Variants in NLRP14 observed in about 807,000 individuals in gnomAD.
NLRP14 encodes the protein NACHT, LRR and PYD domains-containing protein 14.
A neutral mutation model predicts 94.7 loss-of-function variants in NLRP14; 105 were observed. The ratio of observed to expected loss-of-function variants is 1.11; its 90% confidence interval spans 0.95 to 1.30. The LOEUF (loss-of-function observed/expected upper bound fraction) is 1.30, where lower values mean the gene tolerates loss of function less well. Ranked by LOEUF, NLRP14 falls within the 50% of genes most tolerant of loss-of-function variation. The pLI is 0.00. For missense variants in NLRP14, 1,362 were observed against 1,254.1 expected (o/e 1.09, Z -1.30); for synonymous variants, 508 against 459.9 (o/e 1.10, Z -1.34).
intron 10 of NLRP14, among the ~76,000 whole-genome samples, chr11:7,070,040 C>T (rs1852767761): frequency 6.6e-6 from 1 of 152,118 alleles, no homozygotes; most frequent in South Asian, 2.1e-4. Context: ...AACGTGCTTG[C>T]ATATTTTATT....
At chr11:7,078,307 G>A in the NLRP14 span, among the ~76,000 whole-genome samples, 8 of 151,170 alleles carry the variant, frequency 5.3e-5, no homozygotes, top group East Asian at 3.9e-4. Flanking sequence ...GCATGATGGC[G>A]GGCACCTGTA....
At chr11:7,090,662 A>C in the NLRP14 span, 1 of 332,606 alleles carries the variant, frequency 3.0e-6, no homozygotes, top group Non-Finnish European at 6.0e-6. Flanking sequence ...CTCACCTAAA[A>C]TGGAAAAACG....
At chr11:7,064,580 C>G (rs1465096884) in intron 10 of NLRP14, among the ~76,000 whole-genome samples, 3 of 152,146 alleles carry the variant, frequency 2.0e-5, no homozygotes, top group African/African-American at 7.2e-5. Context: ...GCTAGAACTT[C>G]ACCTATTCTC....
intron 6 of NLRP14, among the ~76,000 whole-genome samples, chr11:7,053,072 G>GA (rs1397223770): frequency 2.0e-5 from 3 of 152,074 alleles, no homozygotes; most frequent in African/African-American, 7.2e-5. Context: ...TTTTTGAACA[G>GA]AAATAATATT....
chr11:7,049,975 C>T (rs1802519939), intron 6 of NLRP14, 137 bp downstream of exon 6: 1 of 766,104 alleles, frequency 1.3e-6, no homozygotes, highest in East Asian at 2.5e-5. Context: ...TAGCAAGCAT[C>T]TGTAGAATCA....
chr11:7,035,557 A>G lies in NLRP14; in HGVS notation c.-21-3009A>G, dbSNP rs531024284. Among the ~76,000 whole-genome samples, 7 of 152,314 alleles carry G rather than the reference A, an allele frequency of 4.6e-5. 1 individual carries two copies. In the South Asian group the frequency reaches 1.4e-3, roughly 32 times the overall value. On this transcript the variant is annotated intron_variant, in intron 1 of 11. Transcript: ENST00000299481. Reference sequence around the variant, plus strand: ...TCCCCCAAGGAAATATCCAGCCTAAAATGTCAGTACTACTGAGGCTGGGAA... The same window carrying G: ...TCCCCCAAGGAAATATCCAGCCTAAGATGTCAGTACTACTGAGGCTGGGAA...
At chr11:7,078,617 C>A in the NLRP14 span, among the ~76,000 whole-genome samples, 1 of 151,352 alleles carries the variant, frequency 6.6e-6, no homozygotes, top group Non-Finnish European at 1.5e-5. Context: ...TGGTGAAACC[C>A]CGTCTCTACT....
chr11:7,089,987 G>GCGC, the NLRP14 span: 8 of 1,613,150 alleles, frequency 5.0e-6, no homozygotes, highest in Non-Finnish European at 4.2e-6. Flanking sequence ...ACGGAGAGCT[G>GCGC]CGCGGCGCCG....
In NLRP14 at chr11:7,049,396, T is replaced by A. The variant is rs568522732; in HGVS notation, c.2124-275T>A. Among the ~76,000 whole-genome samples the A allele has an allele frequency of 2.6e-5, 4 of 152,272 alleles. No individual in the cohort carries two copies. The East Asian group carries it at 7.7e-4, about 29-fold the overall frequency. On this transcript the variant is annotated intron_variant, in intron 5 of 11. Transcript: ENST00000299481. ...GTAGTACTTGGAATGGCCCTGATAATTTTTGATAGTCATTCCTGGGATTAC... is the reference window on the plus strand; with the variant it reads ...GTAGTACTTGGAATGGCCCTGATAAATTTTGATAGTCATTCCTGGGATTAC...
chr11:7,066,588 T>C (rs1852710402), intron 10 of NLRP14, among the ~76,000 whole-genome samples: 1 of 151,720 alleles, frequency 6.6e-6, no homozygotes, highest in African/African-American at 2.4e-5. Context: ...TAAATTCAGA[T>C]TCTGAATATT....
At chr11:7,037,815 A>G (rs1263707325) in intron 1 of NLRP14, among the ~76,000 whole-genome samples, 1 of 152,198 alleles carries the variant, frequency 6.6e-6, no homozygotes, top group Non-Finnish European at 1.5e-5. Context: ...GCCTGGGGTG[A>G]GAGCATTAGA....
At chr11:7,085,527 G>A in the NLRP14 span, among the ~76,000 whole-genome samples, 1 of 152,060 alleles carries the variant, frequency 6.6e-6, no homozygotes, top group Non-Finnish European at 1.5e-5. Context: ...TGTCCTTAAG[G>A]TTCATCCATG....
intron 9 of NLRP14, among the ~76,000 whole-genome samples, chr11:7,060,990 G>A (rs1852611091): frequency 6.6e-6 from 1 of 152,006 alleles, no homozygotes; most frequent in African/African-American, 2.4e-5. Context: ...GCGTCACTTA[G>A]CAACCTCAGC....
intron 1 of NLRP14, among the ~76,000 whole-genome samples, chr11:7,031,150 T>C (rs923659548): frequency 6.6e-6 from 1 of 152,244 alleles, no homozygotes; most frequent in African/African-American, 2.4e-5. Context: ...CAAATGCCTG[T>C]TGATCCTTTC....
rs190468192 is a variant in NLRP14, at chr11:7,053,459, A to G, written c.2291+3621A>G. ...GTTAACTCATTTAAATCATATATATATGATTTAAATTATATATATATATAT... is the reference window on the plus strand; with the variant it reads ...GTTAACTCATTTAAATCATATATATGTGATTTAAATTATATATATATATAT... On this transcript the variant is annotated intron_variant, in intron 6 of 11. Transcript: ENST00000299481. Among the ~76,000 whole-genome samples, 164 of 116,022 alleles carry G rather than the reference A, an allele frequency of 1.4e-3. 1 individual carries two copies. The highest frequency in any genetic ancestry group is 4.5e-3 in the African/African-American group (145 of 32,114). 76.1% of individuals were successfully genotyped at this position (116,022 alleles called of 152,430 possible).
At chr11:7,034,047 A>G (rs1589857919) in intron 1 of NLRP14, among the ~76,000 whole-genome samples, 1 of 152,160 alleles carries the variant, frequency 6.6e-6, no homozygotes, top group Non-Finnish European at 1.5e-5. Context: ...ACCTGCTCCC[A>G]TACTGCTCTC....
intron 6 of NLRP14, among the ~76,000 whole-genome samples, chr11:7,055,659 G>T (rs756345293): frequency 6.6e-6 from 1 of 151,990 alleles, no homozygotes; most frequent in East Asian, 1.9e-4. Context: ...AAGCTCCAGC[G>T]TCTTGCATCC....
At chr11:7,054,324 A>C (rs1852488134) in intron 6 of NLRP14, among the ~76,000 whole-genome samples, 1 of 152,096 alleles carries the variant, frequency 6.6e-6, no homozygotes, top group African/African-American at 2.4e-5. Flanking sequence ...TATATACTCC[A>C]CAGTGGAATT....
the NLRP14 span, among the ~76,000 whole-genome samples, chr11:7,082,275 G>T: frequency 6.6e-6 from 1 of 152,108 alleles, no homozygotes; most frequent in Non-Finnish European, 1.5e-5. Context: ...CAATTCATTT[G>T]ACTATCGATA....
Sources: gnomAD v4.1 joint callset for allele counts (sites outside exome capture counted in the v4.1 genomes callset) on GRCh38, gnomAD v4.1.1 for gene constraint, MANE v1.5 for transcripts, NCBI Gene and HGNC (gene_info 2026-07-23, HGNC 2026-07-21) for gene names.